The following NUCB2 variants were observed in gnomAD, a reference collection of about 807,000 sequenced individuals.
NUCB2 encodes nucleobindin-2.
In NUCB2, 48 loss-of-function variants were observed where a neutral mutation model predicts 57.9. The observed-to-expected ratio is 0.83, with a 90% CI of 0.66 to 1.05. The LOEUF (loss-of-function observed/expected upper bound fraction) is 1.05. Ranked by LOEUF, NUCB2 falls within the 50% of genes least tolerant of loss-of-function variation. NUCB2 has a pLI of 0.00. For synonymous variants in NUCB2, 139 were observed against 152.1 expected, an observed-to-expected ratio of 0.91 and a Z score of 0.64; for missense variants, 442 against 476.2, an observed-to-expected ratio of 0.93 and a Z score of 0.67.
At chr11:17,316,520 A>T (rs60142717) in intron 11 of NUCB2, among the ~76,000 whole-genome samples, 1 of 152,188 alleles carries the variant, frequency 6.6e-6, no homozygotes, top group African/African-American at 2.4e-5. Flanking sequence ...TATGATGACT[A>T]TCTGTTTCTT....
At chr11:17,320,982 T>C (rs1435554639) in intron 11 of NUCB2, among the ~76,000 whole-genome samples, 2 of 152,180 alleles carry the variant, frequency 1.3e-5, no homozygotes, top group African/African-American at 2.4e-5. Flanking sequence ...GCATACATAG[T>C]ATGTGTATAT....
chr11:17,282,246 A>ATCTGTC (rs60362648), intron 1 of NUCB2, among the ~76,000 whole-genome samples: 2,729 of 111,030 alleles, frequency 0.025, 36 homozygotes, highest in South Asian at 0.035. Flanking sequence ...CTATATATAT[A>ATCTGTC]TATATATATA....
chr11:17,303,569 A>G (rs114775319), intron 5 of NUCB2, among the ~76,000 whole-genome samples: 35 of 152,336 alleles, frequency 2.3e-4, no homozygotes, highest in African/African-American at 8.4e-4. Flanking sequence ...ATGTAATAGA[A>G]TTTCCGAAAT....
In NUCB2 at chr11:17,288,944, CACACACATATAT is replaced by C. The variant is rs1433462649; in HGVS notation, c.-1+6003_-1+6014del. 4.8e-4 allele frequency among the ~76,000 whole-genome samples: 34 copies of C among 71,450 alleles called. 1 individual carries two copies. Among genetic ancestry groups the C allele is most frequent in the South Asian group, 1.1e-3 (2 of 1,838 alleles). 46.9% of individuals were successfully genotyped at this position (71,450 alleles called of 152,430 possible). Reference sequence around the variant, plus strand: ...ACACACACACACACACACACACACACACACACATATATATATATATTTTTTTTTTTTGAGATG... The same window carrying C: ...ACACACACACACACACACACACACACATATATATTTTTTTTTTTTGAGATG... On this transcript the variant is annotated intron_variant, in intron 2 of 13. Transcript: ENST00000529010.
intron 11 of NUCB2, among the ~76,000 whole-genome samples, chr11:17,316,994 A>G (rs1028065692): frequency 2.0e-5 from 3 of 152,164 alleles, no homozygotes; most frequent in African/African-American, 7.2e-5. Flanking sequence ...GTTTTTGTCT[A>G]ACGTTTGAAA....
chr11:17,349,620 T>C (rs774521116), exon 3 of NUCB2: 7 of 152,204 alleles, frequency 4.6e-5, no homozygotes, highest in Non-Finnish European at 1.0e-4. Flanking sequence ...TATGGCCACA[T>C]TTAGTTCCAG....
chr11:17,295,520 T>A, intron 3 of NUCB2, 53 bp downstream of exon 3: 1 of 1,339,048 alleles, frequency 7.5e-7, no homozygotes, highest in East Asian at 2.4e-5. Flanking sequence ...AAATGAATTA[T>A]AATTGTAACT....
chr11:17,282,076 A>G (rs2137889282), intron 1 of NUCB2, among the ~76,000 whole-genome samples: 2 of 151,860 alleles, frequency 1.3e-5, no homozygotes, highest in South Asian at 4.2e-4. Flanking sequence ...TTTAACAGGA[A>G]AAGTTGCCCT....
At chr11:17,286,850 A>G (rs1943822952) in intron 2 of NUCB2, 1 of 152,096 alleles carries the variant, frequency 6.6e-6, no homozygotes, top group Non-Finnish European at 1.5e-5. Flanking sequence ...ATGCAGACAC[A>G]TTTGACATCT....
At chr11:17,337,102 G>A (rs949247418), downstream of NUCB2, among the ~76,000 whole-genome samples, 6 of 151,946 alleles carry the variant, frequency 3.9e-5, no homozygotes, top group Admixed American at 2.6e-4. Context: ...TTCCATGCCC[G>A]GCTAATTTTT....
At chr11:17,288,816 A>G (rs1271083041) in intron 2 of NUCB2, among the ~76,000 whole-genome samples, 2 of 142,122 alleles carry the variant, frequency 1.4e-5, no homozygotes, top group Non-Finnish European at 3.0e-5. Flanking sequence ...CAGCCTCCCA[A>G]AGTGTTGGGA....
chr11:17,339,509 AC>A (rs1952077312), intron 2 of NUCB2, among the ~76,000 whole-genome samples: 2 of 31,374 alleles, frequency 6.4e-5, no homozygotes, highest in African/African-American at 1.3e-4. Flanking sequence ...CCCTCCCCCC[AC>A]CCCCACAACA....
intron 11 of NUCB2, among the ~76,000 whole-genome samples, chr11:17,329,621 C>A (rs1248365960): frequency 6.6e-6 from 1 of 152,234 alleles, no homozygotes; most frequent in Non-Finnish European, 1.5e-5. Flanking sequence ...CCCCAGAGGG[C>A]ACAGACTCTC....
At chr11:17,343,696 G>T (rs1313561516) in intron 2 of NUCB2, among the ~76,000 whole-genome samples, 1 of 152,034 alleles carries the variant, frequency 6.6e-6, no homozygotes, top group East Asian at 1.9e-4. Context: ...TATTTACTAT[G>T]TCCTTTAATG....
rs568967802 is a variant in NUCB2 at position 17,331,369 on chromosome 11, G to A, written c.1256-43G>A. On this transcript the variant is annotated intron_variant, in intron 13 of 13. Coordinates refer to ENST00000529010, the MANE Select transcript of NUCB2 (RefSeq NM_005013.4). ...ATATGAAGGAACATTTAGAATAAAG[G>A]AAGATACTTTTAAAATAAGAACTTT... is the stretch of plus-strand genomic sequence containing the variant. The A allele has an allele frequency of 4.5e-4, 543 of 1,197,598 alleles. 1 individual carries two copies. Among genetic ancestry groups the A allele is most frequent in the Middle Eastern group, 1.4e-3 (6 of 4,352 alleles). 74.2% of individuals were successfully genotyped at this position (1,197,598 alleles called of 1,614,324 possible).
intron 5 of NUCB2, among the ~76,000 whole-genome samples, chr11:17,302,738 A>AT (rs374768656): frequency 0.067 from 9,202 of 137,492 alleles, 471 homozygotes; most frequent in Non-Finnish European, 0.1. Context: ...TGCCCTGCTA[A>AT]TTTTTTTTTT....
chr11:17,295,334 G>A lies in NUCB2; in HGVS notation c.11G>A (p.Arg4Lys). The change falls in exon 3 of 14, where the codon AGG becomes AAG. Residue 4 changes from arginine to lysine, a missense_variant. Coordinates refer to ENST00000529010, the MANE Select transcript of NUCB2 (RefSeq NM_005013.4). ...ACTCCTTTATTTCAGATGAGGTGGAGGACCATCCTGCTACAGTATTGCTTT... is the reference window on the plus strand; with the variant it reads ...ACTCCTTTATTTCAGATGAGGTGGAAGACCATCCTGCTACAGTATTGCTTT... The part of the protein sequence containing the change: MRW[R>K]TILLQYCFLL... The A allele has an allele frequency of 2.5e-6, 4 of 1,610,290 alleles. No homozygotes were observed. Among genetic ancestry groups the A allele is most frequent in the Non-Finnish European group, 3.4e-6 (4 of 1,178,142 alleles).
At chr11:17,288,552 C>CTTCTTTTTTTTTTTTTTTTTTTTTT (rs1375589442) in intron 2 of NUCB2, among the ~76,000 whole-genome samples, 1 of 101,190 alleles carries the variant, frequency 9.9e-6, no homozygotes, top group African/African-American at 4.4e-5. Flanking sequence ...TCTTCTTCTT[C>CTTCTTTTTTTTTTTTTTTTTTTTTT]TTTTTTTTTT....
chr11:17,323,407 A>G (rs552534895), intron 11 of NUCB2, among the ~76,000 whole-genome samples: 1 of 152,274 alleles, frequency 6.6e-6, no homozygotes, highest in South Asian at 2.1e-4. Flanking sequence ...TCCTTGCATC[A>G]CAGGGATAAA....
Sources: allele counts gnomAD v4.1 joint callset (sites outside exome capture counted in the v4.1 genomes callset), GRCh38; gene constraint gnomAD v4.1.1; transcripts MANE v1.5; gene names NCBI Gene and HGNC (gene_info 2026-07-23, HGNC 2026-07-21).